PPM1L: variants seen among roughly 807,000 people sequenced by gnomAD.
PPM1L encodes the protein protein phosphatase 1L.
Under a neutral mutation model 31.4 loss-of-function variants are expected in PPM1L, and 13 were observed. The ratio of observed to expected loss-of-function variants is 0.41; its 90% CI spans 0.27 to 0.66. PPM1L has a LOEUF of 0.66. Among genes scored for constraint, PPM1L ranks in the 30% least tolerant of loss-of-function variants. PPM1L has a pLI of 0.29. For synonymous variants in PPM1L, 184 were observed against 175.4 expected (o/e 1.05, Z -0.39); for missense variants, 326 against 453.7 (o/e 0.72, Z 2.56).
intron 1 of PPM1L, among the ~76,000 whole-genome samples, chr3:160,793,746 C>T (rs1712167925): frequency 6.6e-6 from 1 of 152,154 alleles, no homozygotes; most frequent in Non-Finnish European, 1.5e-5. Flanking sequence ...TGAGGAGAGG[C>T]AGCCTTAGGT....
At chr3:160,773,844 A>G (rs1711504240) in intron 1 of PPM1L, among the ~76,000 whole-genome samples, 1 of 151,726 alleles carries the variant, frequency 6.6e-6, no homozygotes, top group Non-Finnish European at 1.5e-5. Flanking sequence ...CCTCTCTTCC[A>G]GAGACTCACC....
At chr3:161,068,669 G>A (rs6441350) in intron 3 of PPM1L, 142 bp from the exon 4 acceptor site, 11,721 of 649,596 alleles carry the variant, frequency 0.018, 576 homozygotes, top group African/African-American at 0.099. Context: ...CATGCAGTGG[G>A]TCCCAGGAGT....
chr3:160,840,199 A>G (rs1713829532), intron 1 of PPM1L, among the ~76,000 whole-genome samples: 1 of 152,194 alleles, frequency 6.6e-6, no homozygotes, highest in Admixed American at 6.5e-5. Flanking sequence ...TTTGGAAAGC[A>G]TCGTGAAATA....
intron 2 of PPM1L, among the ~76,000 whole-genome samples, chr3:161,050,116 G>A (rs955389409): frequency 6.6e-6 from 1 of 152,182 alleles, no homozygotes; most frequent in Non-Finnish European, 1.5e-5. Flanking sequence ...TCTATGACCT[G>A]GCGTTCCCTG....
intron 2 of PPM1L, among the ~76,000 whole-genome samples, chr3:161,032,689 G>A (rs921423061): frequency 1.4e-4 from 16 of 116,564 alleles, no homozygotes; most frequent in African/African-American, 5.0e-4. Context: ...GTACAGAGAA[G>A]TCCTTTTTTT....
chr3:160,917,489 A>C (rs1337953890), intron 1 of PPM1L, among the ~76,000 whole-genome samples: 1 of 152,208 alleles, frequency 6.6e-6, no homozygotes, highest in Non-Finnish European at 1.5e-5. Context: ...TGACTAAAAT[A>C]GATATTATAT....
intron 1 of PPM1L, among the ~76,000 whole-genome samples, chr3:160,945,295 G>T (rs971598821): frequency 6.6e-6 from 1 of 151,614 alleles, no homozygotes; most frequent in Non-Finnish European, 1.5e-5. Context: ...CCATTATAGT[G>T]CAAAAGCAGC....
chr3:160,804,280 A>T (rs561919602), intron 1 of PPM1L, among the ~76,000 whole-genome samples: 4 of 152,254 alleles, frequency 2.6e-5, no homozygotes, highest in African/African-American at 9.6e-5. Context: ...TCCCTGTCAA[A>T]GAAAGGATCA....
chr3:161,059,392 G>A (rs920829168), intron 2 of PPM1L, among the ~76,000 whole-genome samples: 5 of 152,118 alleles, frequency 3.3e-5, no homozygotes, highest in African/African-American at 1.2e-4. Context: ...TTTCATCAGG[G>A]TGTAAAGTGT....
rs116834953 is a variant in PPM1L, at chr3:160,832,065, G to A, written c.399+75358G>A. ...CATTTACTTATTGAATACCATCTAC[G>A]TGGTAGGCTTAGTAGAAGAGATTAG... On this transcript the variant is annotated intron_variant, in intron 1 of 3. Coordinates refer to ENST00000498165, the MANE Select transcript of PPM1L (RefSeq NM_139245.4). 4.4e-3 allele frequency among the ~76,000 whole-genome samples: 676 copies of A among 152,308 alleles called. 4 individuals are homozygous for A. The highest frequency in any genetic ancestry group is 3.7e-3 in the Non-Finnish European group (254 of 68,026).
chr3:161,025,516 G>T (rs956968307), intron 2 of PPM1L, among the ~76,000 whole-genome samples: 1 of 150,872 alleles, frequency 6.6e-6, no homozygotes, highest in Non-Finnish European at 1.5e-5. Context: ...TGGCTTCATT[G>T]AGCTATGATC....
At chr3:160,921,479 A>C (rs1714401211) in intron 1 of PPM1L, among the ~76,000 whole-genome samples, 1 of 152,212 alleles carries the variant, frequency 6.6e-6, no homozygotes, top group Admixed American at 6.5e-5. Context: ...AGTCAGACAG[A>C]AGTTAGTAAT....
chr3:160,887,904 C>G lies in PPM1L; in HGVS notation c.400-73832C>G, dbSNP rs190421146. 7.3e-4 allele frequency among the ~76,000 whole-genome samples: 111 copies of G among 152,242 alleles called. 1 individual carries two copies. The highest frequency in any genetic ancestry group is 6.5e-3 in the Admixed American group (100 of 15,284). The stretch of plus-strand genomic sequence containing the variant: ...CAACATTCTTAAAGAAAAGAATTCT[C>G]AACCTAGAATTTTGTATCTAGCCAA... On this transcript the variant is annotated intron_variant, in intron 1 of 3. Coordinates refer to ENST00000498165, the MANE Select transcript of PPM1L (RefSeq NM_139245.4).
intron 1 of PPM1L, among the ~76,000 whole-genome samples, chr3:160,888,129 G>A (rs927981715): frequency 6.6e-6 from 1 of 152,186 alleles, no homozygotes; most frequent in African/African-American, 2.4e-5. Flanking sequence ...ATCAACTAGT[G>A]TGCAAAATAA....
intron 1 of PPM1L, among the ~76,000 whole-genome samples, chr3:160,854,879 CAAAAAAAAAA>C (rs33923660): frequency 1.0e-5 from 1 of 95,630 alleles, no homozygotes; most frequent in Non-Finnish European, 2.2e-5. Flanking sequence ...CATGTGGAAC[CAAAAAAAAAA>C]AAAAAAAAGA....
intron 2 of PPM1L, among the ~76,000 whole-genome samples, chr3:161,006,777 C>G (rs778663): frequency 0.64 from 95,671 of 150,310 alleles, 33,145 homozygotes; most frequent in East Asian, 0.98. Context: ...CCACCTCCTG[C>G]GTTCACGCCA....
intron 1 of PPM1L, among the ~76,000 whole-genome samples, chr3:160,772,542 TA>T (rs1402210377): frequency 6.6e-6 from 1 of 152,216 alleles, no homozygotes; most frequent in Non-Finnish European, 1.5e-5. Context: ...GCTATTCTTT[TA>T]AAAATATCTT....
chr3:160,910,122 T>C (rs1713903380), intron 1 of PPM1L, among the ~76,000 whole-genome samples: 1 of 152,198 alleles, frequency 6.6e-6, no homozygotes, highest in Admixed American at 6.5e-5. Flanking sequence ...CTTACTATGA[T>C]GACTTCTCAA....
intron 2 of PPM1L, among the ~76,000 whole-genome samples, chr3:160,980,055 G>T (rs559793662): frequency 6.6e-6 from 1 of 151,966 alleles, no homozygotes; most frequent in Non-Finnish European, 1.5e-5. Flanking sequence ...AGATTCCAGG[G>T]TAGGGCTGGC....
Sources: gnomAD v4.1 joint callset for allele counts (sites outside exome capture counted in the v4.1 genomes callset) on GRCh38, gnomAD v4.1.1 for gene constraint, MANE v1.5 for transcripts, NCBI Gene and HGNC (gene_info 2026-07-23, HGNC 2026-07-21) for gene names.